SIPA1L3: variants seen among roughly 807,000 people sequenced by gnomAD.
The protein encoded by SIPA1L3 is signal induced proliferation associated 1 like 3, also known as signal-induced proliferation-associated 1-like protein 3.
Under a neutral mutation model 150.1 loss-of-function variants are expected in SIPA1L3, and 59 were observed. The observed-to-expected ratio is 0.39, with a 90% confidence interval of 0.32 to 0.49. SIPA1L3 has a LOEUF of 0.49. Ranked by LOEUF, SIPA1L3 falls within the 20% of genes least tolerant of loss-of-function variation. SIPA1L3 has a pLI of 0.86. For synonymous variants in SIPA1L3, 1,070 were observed against 1,077.6 expected (o/e 0.99, Z 0.14); for missense variants, 2,211 against 2,489.5 (o/e 0.89, Z 2.38).
At chr19:38,107,084 C>A (rs1212671123) in intron 7 of SIPA1L3, among the ~76,000 whole-genome samples, 2 of 152,230 alleles carry the variant, frequency 1.3e-5, no homozygotes, top group Admixed American at 1.3e-4. Flanking sequence ...AGGAATCCTT[C>A]CCCATTTCTC....
intron 1 of SIPA1L3, among the ~76,000 whole-genome samples, chr19:38,008,217 CTTTTTTTTTTTTTT>C (rs35422339): frequency 2.2e-4 from 11 of 50,094 alleles, no homozygotes; most frequent in African/African-American, 7.6e-4. Flanking sequence ...CCATAGGCTG[CTTTTTTTTTTTTTT>C]TTTTTTTTTT....
At chr19:38,137,140 C>T (rs998789709) in intron 10 of SIPA1L3, among the ~76,000 whole-genome samples, 2 of 152,202 alleles carry the variant, frequency 1.3e-5, no homozygotes, top group Non-Finnish European at 2.9e-5. Context: ...TCTGGCCCCG[C>T]AGCCCTGGTC....
At chr19:38,031,237 C>G (rs1452605385) in intron 2 of SIPA1L3, among the ~76,000 whole-genome samples, 1 of 152,196 alleles carries the variant, frequency 6.6e-6, no homozygotes, top group Admixed American at 6.5e-5. Flanking sequence ...CTTATACAAC[C>G]TTAACACAGT....
At chr19:38,152,028 C>T (rs1341698943) in intron 12 of SIPA1L3, among the ~76,000 whole-genome samples, 1 of 151,188 alleles carries the variant, frequency 6.6e-6, no homozygotes, top group Non-Finnish European at 1.5e-5. Context: ...GAGCCTTCTA[C>T]CACCACCTCC....
At chr19:38,106,101 G>A (rs902307637) in intron 6 of SIPA1L3, among the ~76,000 whole-genome samples, 1 of 114,196 alleles carries the variant, frequency 8.8e-6, no homozygotes, top group African/African-American at 3.6e-5. Flanking sequence ...TTATCTAAAT[G>A]TATTTAATTT....
At position 38,204,166 on chromosome 19, in the gene SIPA1L3, G is replaced by A. The variant is rs866182261; in HGVS notation, c.5160G>A (p.Gln1720=). The A allele has an allele frequency of 6.4e-7, 1 of 1,560,410 alleles. No homozygotes were observed. The highest frequency in any genetic ancestry group is 2.4e-5 in the East Asian group (1 of 41,500). The stretch of plus-strand genomic sequence containing the variant: ...TGGATCTGACAGGCAAGGTGTACCA[G>A]CTGGAGGTGATGCTGAAACAGCTGC... ...PPLDLTGKVY[Q]LEVMLKQLHT... The change falls in exon 21 of 22, where the codon CAG becomes CAA. Residue 1720 remains glutamine, a synonymous_variant. Transcript: ENST00000222345.
At chr19:38,090,407 T>C (rs1274688279) in intron 4 of SIPA1L3, among the ~76,000 whole-genome samples, 4 of 151,106 alleles carry the variant, frequency 2.6e-5, no homozygotes, top group Non-Finnish European at 4.4e-5. Flanking sequence ...CAAGCCCAAG[T>C]CCTGAGCCAG....
intron 2 of SIPA1L3, among the ~76,000 whole-genome samples, chr19:38,053,367 G>A (rs554791518): frequency 1.3e-5 from 2 of 152,320 alleles, no homozygotes; most frequent in South Asian, 2.1e-4. Flanking sequence ...TGTGAGGTAG[G>A]TATGGACTGT....
intron 15 of SIPA1L3, among the ~76,000 whole-genome samples, chr19:38,182,136 C>CAAAGAAAAA (rs1972568038): frequency 7.7e-6 from 1 of 130,120 alleles, no homozygotes; most frequent in African/African-American, 3.3e-5. Context: ...GACCCTGTCT[C>CAAAGAAAAA]AAAAAAAAAA....
At chr19:37,947,445 C>T (rs1031414594) in intron 1 of SIPA1L3, among the ~76,000 whole-genome samples, 5 of 151,290 alleles carry the variant, frequency 3.3e-5, no homozygotes, top group South Asian at 2.1e-4. Flanking sequence ...GCCAAGATTG[C>T]GCCTCTGCAC....
At chr19:37,926,874 G>A (rs989206059) in intron 1 of SIPA1L3, among the ~76,000 whole-genome samples, 6 of 152,116 alleles carry the variant, frequency 3.9e-5, no homozygotes, top group Non-Finnish European at 8.8e-5. Flanking sequence ...AAGACACTGT[G>A]CCGGGCCCTT....
intron 4 of SIPA1L3, among the ~76,000 whole-genome samples, chr19:38,089,259 A>C (rs774992795): frequency 6.8e-6 from 1 of 147,938 alleles, no homozygotes; most frequent in Non-Finnish European, 1.5e-5. Context: ...CAGAGGCTGC[A>C]GTGAGCTGAG....
At chr19:38,060,875 A>G (rs1969431874) in intron 2 of SIPA1L3, among the ~76,000 whole-genome samples, 1 of 152,116 alleles carries the variant, frequency 6.6e-6, no homozygotes, top group South Asian at 2.1e-4. Context: ...TATTTTTAGT[A>G]GAGACGGGAT....
intron 13 of SIPA1L3, among the ~76,000 whole-genome samples, chr19:38,157,174 TA>T (rs146883989): frequency 6.6e-6 from 1 of 151,722 alleles, no homozygotes; most frequent in East Asian, 1.9e-4. Context: ...AATAAAAAAA[TA>T]AAAAAAAGTT....
intron 1 of SIPA1L3, among the ~76,000 whole-genome samples, chr19:37,993,446 C>T (rs1280372966): frequency 6.6e-6 from 1 of 152,170 alleles, no homozygotes; most frequent in Non-Finnish European, 1.5e-5. Context: ...ATTCTCTTGC[C>T]TCAGCCTCCC....
chr19:38,163,351 G>A (rs1161107000), intron 14 of SIPA1L3, among the ~76,000 whole-genome samples: 3 of 152,070 alleles, frequency 2.0e-5, no homozygotes, highest in South Asian at 2.1e-4. Flanking sequence ...TTAGCCAGGC[G>A]TGGTGGCAGG....
chr19:38,101,485 T>C (rs1970502572), intron 6 of SIPA1L3, among the ~76,000 whole-genome samples: 1 of 152,182 alleles, frequency 6.6e-6, no homozygotes, highest in South Asian at 2.1e-4. Flanking sequence ...CCCATCTCAC[T>C]GCAACCTCTA....
chr19:38,080,738 C>T (rs553672625), intron 2 of SIPA1L3, among the ~76,000 whole-genome samples: 2 of 151,916 alleles, frequency 1.3e-5, no homozygotes, highest in South Asian at 2.1e-4. Context: ...GAGGCTGAGG[C>T]GGGCGGGGAT....
rs367724441 is a variant in SIPA1L3, at chr19:38,082,060, C to T, written c.495C>T (p.Pro165=). 8 of 1,613,406 alleles carry T rather than the reference C, an allele frequency of 5.0e-6. No individual in the cohort carries two copies. Among genetic ancestry groups the T allele is most frequent in the Admixed American group, 1.7e-5 (1 of 60,036 alleles). The change falls in exon 3 of 22, where the codon CCC becomes CCT. Residue 165 remains proline (P), a synonymous_variant. Transcript: ENST00000222345. ...GGTCCCCCGGCAGGGCCTTCCTCCC[C>T]CTTCGGCACCGCAGCAGCAGCGAGA... ...WPRSPGRAFL[P]LRHRSSSEIT...
Sources: gnomAD v4.1 joint callset for allele counts (sites outside exome capture counted in the v4.1 genomes callset) on GRCh38, gnomAD v4.1.1 for gene constraint, MANE v1.5 for transcripts, NCBI Gene and HGNC (gene_info 2026-07-23, HGNC 2026-07-21) for gene names.